SMC1A: variants seen among roughly 807,000 people sequenced by gnomAD.
SMC1A encodes structural maintenance of chromosomes protein 1A.
In SMC1A, 4 loss-of-function variants were observed where a neutral mutation model predicts 94.5. The observed-to-expected ratio is 0.04, with a 90% CI of 0.02 to 0.10. SMC1A has a LOEUF of 0.10. Ranked by LOEUF, SMC1A falls within the 10% of genes least tolerant of loss-of-function variation. The pLI is 1.00. For synonymous variants in SMC1A, 345 were observed against 347.7 expected (o/e 0.99, Z 0.09); for missense variants, 304 against 989.0 (o/e 0.31, Z 9.29).
chrX:53,394,740 A>AAC, intron 19 of SMC1A, 38 bp downstream of exon 19: 3 of 351,500 alleles, frequency 8.5e-6, no homozygotes, highest in Non-Finnish European at 1.0e-5. Context: ...CTCCCACCCA[A>AAC]CCCCCACCCC....
Position 53,408,495 on chromosome X carries a change from T to C in SMC1A, c.1545+567A>G, listed in dbSNP as rs112430301. On this transcript the variant is annotated intron_variant, in intron 9 of 24. Transcript: ENST00000322213. ...TAGAGAAGTGATAGGGAAATATTAG[T>C]GGAACCAAACTAAGTTGAACCCAGG... Among the ~76,000 whole-genome samples the C allele has an allele frequency of 7.9e-3, 881 of 111,686 alleles. 8 individuals carry two copies. Among genetic ancestry groups the C allele is most frequent in the African/African-American group, 0.028 (859 of 30,729 alleles).
At chrX:53,421,929 C>T in intron 1 of SMC1A, 1 of 1,209,420 alleles carries the variant, frequency 8.3e-7, no homozygotes, top group Non-Finnish European at 1.1e-6. Context: ...GGATCGACAC[C>T]TCAAGCATTC....
chrX:53,392,998 G>A (rs1556887476), intron 19 of SMC1A, among the ~76,000 whole-genome samples: 1 of 111,962 alleles, frequency 8.9e-6, no homozygotes. Context: ...TCAGATCCAC[G>A]TTTGTTTTTT....
chrX:53,387,933 A>AG (rs1420123216), intron 19 of SMC1A, among the ~76,000 whole-genome samples: 1 of 564 alleles, frequency 1.8e-3, no homozygotes, highest in African/African-American at 2.8e-3. Context: ...AAACTGATAA[A>AG]GGGGGGAAAA....
At chrX:53,418,739 T>C in intron 1 of SMC1A, among the ~76,000 whole-genome samples, 1 of 111,829 alleles carries the variant, frequency 8.9e-6, no homozygotes, top group East Asian at 2.9e-4. Flanking sequence ...GGCCAAAAAA[T>C]AGATATTGTT....
chrX:53,392,169 T>A (rs782417599), intron 19 of SMC1A, among the ~76,000 whole-genome samples: 19 of 110,754 alleles, frequency 1.7e-4, no homozygotes, highest in Admixed American at 2.9e-4. Flanking sequence ...GGTGGGCAGA[T>A]CATGAGGTCA....
Position 53,405,646 on chromosome X carries a change from C to A in SMC1A, c.1758G>T (p.Arg586=), listed in dbSNP as rs782379340. Residue 586 remains arginine, a synonymous_variant, in exon 11 of 25, where the codon CGG becomes CGT. Transcript: ENST00000322213. ...TCACTAGCTTGGCCCCCTTCAGCTC[C>A]CGGAGTTTCTCATCTGTAGGCTTCA... ...LEVKPTDEKL[R]ELKGAKLVID... The A allele has an allele frequency of 6.6e-6, 8 of 1,209,852 alleles. No individual in the cohort carries two copies. The highest frequency in any genetic ancestry group is 7.8e-6 in the Non-Finnish European group (7 of 895,171).
At chrX:53,403,274 T>C (rs1041768077) in intron 15 of SMC1A, among the ~76,000 whole-genome samples, 4 of 106,864 alleles carry the variant, frequency 3.7e-5, no homozygotes, top group Non-Finnish European at 7.7e-5. Context: ...GGTATCATTA[T>C]ACCATTTTGC....
chrX:53,406,768 G>T (rs1305881164), intron 9 of SMC1A, among the ~76,000 whole-genome samples: 3 of 111,794 alleles, frequency 2.7e-5, no homozygotes, highest in Non-Finnish European at 5.6e-5. Context: ...CGCAATCTTG[G>T]CTCACTGCAA....
In SMC1A at chrX:53,403,652, T is replaced by C. The variant is rs781877156; in HGVS notation, c.2334A>G (p.Glu778=). The change falls in exon 15 of 25, where the codon GAA becomes GAG. Residue 778 remains glutamate, a synonymous_variant. Coordinates refer to ENST00000322213, the MANE Select transcript of SMC1A (RefSeq NM_006306.4). ...GCACACCAATCTCCCGACAAAACTC[T>C]TCAAACACCTCATCCTCTACCTGAG... ...KMNQVEDEVF[E]EFCREIGVRN... The C allele has an allele frequency of 3.3e-6, 4 of 1,205,472 alleles. No individual in the cohort carries two copies. The highest frequency in any genetic ancestry group is 4.5e-6 in the Non-Finnish European group (4 of 892,790).
chrX:53,379,942 A>C lies in SMC1A; in HGVS notation c.*161T>G. Reference sequence around the variant, plus strand: ...TTCAGGAATTTTTGCTCCAGACCTAACATCACCTCTGTTCCTCTTCATGCT... The same window carrying C: ...TTCAGGAATTTTTGCTCCAGACCTACCATCACCTCTGTTCCTCTTCATGCT... On this transcript the variant is annotated 3_prime_UTR_variant, in exon 25 of 25. Transcript: ENST00000322213. 2.1e-6 allele frequency: 1 copy of C among 485,113 alleles called. No homozygotes were observed. The highest frequency in any genetic ancestry group is 3.6e-5 in the East Asian group (1 of 27,771). 40.0% of individuals were successfully genotyped at this position (485,113 alleles called of 1,213,427 possible).
chrX:53,409,556 A>G, intron 7 of SMC1A, 53 bp from the exon 8 acceptor site: 2 of 997,125 alleles, frequency 2.0e-6, no homozygotes, highest in Non-Finnish European at 2.9e-6. Context: ...CGCCAAGACC[A>G]TGGGGGCTCT....
In SMC1A at chrX:53,422,640, G is replaced by A; in HGVS notation, c.-40C>T. 1.1e-6 allele frequency: 1 copy of A among 923,544 alleles called. No homozygotes were observed. The highest frequency in any genetic ancestry group is 3.1e-5 in the East Asian group (1 of 32,220). The allele number at this position is 923,544 out of a possible 1,213,427, so 76.1% of individuals were successfully genotyped here. On this transcript the variant is annotated 5_prime_UTR_variant, in exon 1 of 25. In the 5' UTR this introduces an upstream ATG that the reference lacks. Transcript: ENST00000322213. ...CGGCGGCAGTAGGACAGGCCGCGCC[G>A]TACGCCCGAGAACTGAGGTAGCCCG...
chrX:53,416,738 A>G (rs2075733807), intron 1 of SMC1A, among the ~76,000 whole-genome samples: 1 of 110,210 alleles, frequency 9.1e-6, no homozygotes, highest in African/African-American at 3.3e-5. Flanking sequence ...GCAAGATGAA[A>G]AAGTTCTAGA....
At chrX:53,408,840 T>A (rs202052287) in intron 9 of SMC1A, among the ~76,000 whole-genome samples, 416 of 66,612 alleles carry the variant, frequency 6.2e-3, no homozygotes, top group Non-Finnish European at 7.3e-3. Context: ...GGTTGAAAAA[T>A]AAAAAAAAAA....
chrX:53,374,677 GCTC>G lies in SMC1A; in HGVS notation c.*5423_*5425del, dbSNP rs1556885000. 1.8e-5 allele frequency: 2 copies of G among 111,948 alleles called. No homozygotes were observed. Among genetic ancestry groups the G allele is most frequent in the East Asian group, 2.8e-4 (1 of 3,599 alleles). 9.2% of individuals were successfully genotyped at this position (111,948 alleles called of 1,213,427 possible). A position where few individuals can be genotyped will look rare whatever the true frequency, so the allele number is the denominator to read the frequency against. On this transcript the variant is annotated 3_prime_UTR_variant, in exon 25 of 25. Coordinates refer to ENST00000322213, the MANE Select transcript of SMC1A (RefSeq NM_006306.4). ...TGTCTCACGGTTTCTGTTCCTCGTG[GCTC>G]CTATTGCTTCATGGCTTCTAGCCCA...
rs1444613298 is a variant in SMC1A, at chrX:53,375,960, C to T, written c.*4143G>A. 1 of 112,659 alleles carries T rather than the reference C, an allele frequency of 8.9e-6. No homozygotes were observed. Among genetic ancestry groups the T allele is most frequent in the Non-Finnish European group, 1.9e-5 (1 of 53,309 alleles). The allele number at this position is 112,659 out of a possible 1,213,427, so 9.3% of individuals were successfully genotyped here. ...TAGCTAATCTTGTCATCTCCATTCG[C>T]TCTCTCACAAATGGATTCACTCATG... On this transcript the variant is annotated 3_prime_UTR_variant, in exon 25 of 25. Transcript: ENST00000322213.
In SMC1A at chrX:53,399,744, T is replaced by TG. The variant is rs781926382; in HGVS notation, c.2421-15dup. On this transcript the variant is annotated splice_polypyrimidine_tract_variant and intron_variant, in intron 15 of 24. Coordinates refer to ENST00000322213, the MANE Select transcript of SMC1A (RefSeq NM_006306.4). ...TCAAACTCCAAACTGTGTATAAAGG[T>TG]GGGGGGAGAATCACTCATAATCTCA... is the stretch of plus-strand genomic sequence containing the variant. The TG allele has an allele frequency of 4.2e-5, 50 of 1,199,239 alleles. No individual in the cohort carries two copies. Among genetic ancestry groups the TG allele is most frequent in the Non-Finnish European group, 5.5e-5 (49 of 887,511 alleles).
At position 53,422,617 on chromosome X, in the gene SMC1A, G is replaced by A. The variant is rs2075765095; in HGVS notation, c.-17C>T. 9 of 1,084,295 alleles carry A rather than the reference G, an allele frequency of 8.3e-6. No homozygotes were observed. Among genetic ancestry groups the A allele is most frequent in the Non-Finnish European group, 1.2e-5 (9 of 780,305 alleles). The allele number at this position is 1,084,295 out of a possible 1,213,427, so 89.4% of individuals were successfully genotyped here. On this transcript the variant is annotated 5_prime_UTR_variant, in exon 1 of 25. Coordinates refer to ENST00000322213, the MANE Select transcript of SMC1A (RefSeq NM_006306.4). ...GAACCCCATGACGGCCGCGGCGCCG[G>A]CGGCAGTAGGACAGGCCGCGCCGTA...
Sources: gnomAD v4.1 joint callset for allele counts (sites outside exome capture counted in the v4.1 genomes callset) on GRCh38, gnomAD v4.1.1 for gene constraint, MANE v1.5 for transcripts, NCBI Gene and HGNC (gene_info 2026-07-23, HGNC 2026-07-21) for gene names.